Variants in SASH1 observed in about 807,000 individuals in gnomAD.
SASH1 encodes the protein SAM and SH3 domain containing 1.
SASH1 carries 44 observed loss-of-function variants against 125.2 expected under a neutral mutation model. The observed-to-expected ratio is 0.35, with a 90% CI of 0.28 to 0.45. The LOEUF is 0.45. Among genes scored for constraint, SASH1 ranks in the 20% least tolerant of loss-of-function variants. SASH1 has a pLI of 1.00. For missense variants in SASH1, 1,426 were observed against 1,614.5 expected (o/e 0.88, Z 2.00); for synonymous variants, 639 against 649.1 (o/e 0.98, Z 0.24).
At chr6:148,277,576 A>G (rs1779221134) in intron 1 of SASH1, among the ~76,000 whole-genome samples, 1 of 152,232 alleles carries the variant, frequency 6.6e-6, no homozygotes, top group South Asian at 2.1e-4. Context: ...AAATTCTACA[A>G]AAATTCTTTC....
At chr6:148,362,860 A>G (rs146106902) in intron 1 of SASH1, among the ~76,000 whole-genome samples, 1 of 152,096 alleles carries the variant, frequency 6.6e-6, no homozygotes, top group Non-Finnish European at 1.5e-5. Flanking sequence ...AAATACATAC[A>G]TACATACAAG....
rs569645754 is a variant in SASH1, at chr6:148,540,531, C to T, written c.2184C>T (p.Tyr728=). The T allele has an allele frequency of 3.1e-5, 50 of 1,613,890 alleles. No homozygotes were observed. Among genetic ancestry groups the T allele is most frequent in the Admixed American group, 1.2e-4 (7 of 60,014 alleles). Residue 728 remains tyrosine (Y), a synonymous_variant, in exon 17 of 20, where the codon TAC becomes TAT. Transcript: ENST00000367467. ...SGCSPRDSGC[Y]ESSENLENGK... ...GCTCACCCCGAGACTCAGGATGCTA[C>T]GAAAGCAGTGAGAACCTGGAAAACG... is the stretch of plus-strand genomic sequence containing the variant.
chr6:148,376,807 A>G (rs1374241018), intron 1 of SASH1, among the ~76,000 whole-genome samples: 1 of 152,074 alleles, frequency 6.6e-6, no homozygotes, highest in African/African-American at 2.4e-5. Flanking sequence ...ATTCGAGGTT[A>G]CAGTGAACGG....
the SASH1 span, among the ~76,000 whole-genome samples, chr6:148,241,829 G>A: frequency 6.6e-6 from 1 of 152,072 alleles, no homozygotes; most frequent in Non-Finnish European, 1.5e-5. Flanking sequence ...TACCCACCTC[G>A]TATGACTGTT....
intron 7 of SASH1, chr6:148,480,584 G>A (rs572526640): frequency 1.3e-5 from 2 of 152,296 alleles, no homozygotes; most frequent in South Asian, 2.1e-4. Context: ...TCTTGGAGGC[G>A]GGCGTCATCA....
intron 8 of SASH1, chr6:148,513,591 A>G (rs1318070920): frequency 4.2e-5 from 41 of 985,540 alleles, no homozygotes; most frequent in Non-Finnish European, 4.9e-5. Context: ...ACTTGAGGGA[A>G]AACAGCTGGG....
At chr6:148,276,490 G>C (rs1224560945) in intron 1 of SASH1, among the ~76,000 whole-genome samples, 1 of 152,108 alleles carries the variant, frequency 6.6e-6, no homozygotes, top group Non-Finnish European at 1.5e-5. Flanking sequence ...AAACCTAGAA[G>C]AGTAAGAGAA....
intron 1 of SASH1, among the ~76,000 whole-genome samples, chr6:148,321,390 TA>T (rs10573800): frequency 0.65 from 92,644 of 141,452 alleles, 30,204 homozygotes; most frequent in Middle Eastern, 0.73. Flanking sequence ...AACTCTGTCT[TA>T]AAAAAAAAAA....
intron 1 of SASH1, among the ~76,000 whole-genome samples, chr6:148,345,674 G>A (rs939515718): frequency 1.3e-5 from 2 of 152,132 alleles, no homozygotes; most frequent in African/African-American, 4.8e-5. Flanking sequence ...ATTAACAGTT[G>A]ACTTTATTCT....
the SASH1 span, among the ~76,000 whole-genome samples, chr6:148,259,183 C>G: frequency 6.6e-6 from 1 of 152,128 alleles, no homozygotes. Context: ...TCCAGGAGAG[C>G]TTGGAATCAC....
intron 8 of SASH1, among the ~76,000 whole-genome samples, chr6:148,498,489 C>T (rs1194977027): frequency 6.6e-6 from 1 of 151,820 alleles, no homozygotes; most frequent in Admixed American, 6.6e-5. Flanking sequence ...ACTATATAAT[C>T]TGAGGATACC....
chr6:148,510,813 A>G (rs569253015), intron 8 of SASH1, among the ~76,000 whole-genome samples: 2 of 152,122 alleles, frequency 1.3e-5, no homozygotes, highest in East Asian at 1.9e-4. Context: ...CCTGGCCAAC[A>G]TGGCGAAATG....
In SASH1 at chr6:148,548,343, G is replaced by A; in HGVS notation, c.3529G>A (p.Gly1177Arg). ...TEICRKPVSP[G>R]CISSVSDWLI... is the part of the protein sequence containing the mutation. ...AATCTGCCGAAAGCCCGTCTCTCCT[G>A]GGTGCATTTCGTCTGTGTCAGATTG... Residue 1177 changes from glycine to arginine, a missense_variant, in exon 20 of 20, where the codon GGG (glycine) becomes AGG (arginine). This residue lies in a region of SASH1 where 634 missense variants were observed against 694.4 expected (regional missense o/e 0.91). Transcript: ENST00000367467. 6.2e-7 allele frequency: 1 copy of A among 1,614,180 alleles called. No individual in the cohort carries two copies. The highest frequency in any genetic ancestry group is 8.5e-7 in the Non-Finnish European group (1 of 1,180,024).
rs1447145648 is a variant in SASH1, at chr6:148,549,968, C to G, written c.*1410C>G. ...GGGATTATAGGCACCCACCACCACG[C>G]CCAGCTAATTTTTGTATTATTAGTA... On this transcript the variant is annotated 3_prime_UTR_variant, in exon 20 of 20. Coordinates refer to ENST00000367467, the MANE Select transcript of SASH1 (RefSeq NM_015278.5). 6.3e-6 allele frequency: 1 copy of G among 159,070 alleles called. No individual in the cohort carries two copies. Among genetic ancestry groups the G allele is most frequent in the Non-Finnish European group, 1.4e-5 (1 of 72,758 alleles). 9.9% of individuals were successfully genotyped at this position (159,070 alleles called of 1,614,324 possible).
intron 1 of SASH1, among the ~76,000 whole-genome samples, chr6:148,304,815 G>A (rs908825402): frequency 6.6e-6 from 1 of 152,154 alleles, no homozygotes; most frequent in African/African-American, 2.4e-5. Flanking sequence ...ATCACTTGAG[G>A]TCAGGAGTTC....
intron 1 of SASH1, among the ~76,000 whole-genome samples, chr6:148,280,837 A>G (rs2128505529): frequency 6.6e-6 from 1 of 152,242 alleles, no homozygotes; most frequent in African/African-American, 2.4e-5. Context: ...AGACAGAGAG[A>G]GAGAAAGAGA....
intron 2 of SASH1, among the ~76,000 whole-genome samples, chr6:148,431,604 T>C (rs1406219777): frequency 6.6e-6 from 1 of 151,908 alleles, no homozygotes; most frequent in Non-Finnish European, 1.5e-5. Context: ...AGGGTGAGAA[T>C]GTTGACTTTC....
At chr6:148,500,115 T>C (rs1010218255) in intron 8 of SASH1, among the ~76,000 whole-genome samples, 7 of 152,302 alleles carry the variant, frequency 4.6e-5, no homozygotes, top group African/African-American at 1.7e-4. Context: ...GTTTGTATAG[T>C]TGTCATGTCC....
chr6:148,358,416 C>T (rs4407729), intron 1 of SASH1, among the ~76,000 whole-genome samples: 67,330 of 151,846 alleles, frequency 0.44, 14,974 homozygotes, highest in South Asian at 0.49. Flanking sequence ...TGAAGCGGCT[C>T]GGAGTGTTGT....
Sources: allele counts gnomAD v4.1 joint callset (sites outside exome capture counted in the v4.1 genomes callset), GRCh38; gene constraint gnomAD v4.1.1; regional missense constraint gnomAD v4.1.1; transcripts MANE v1.5; gene names NCBI Gene and HGNC (gene_info 2026-07-23, HGNC 2026-07-21).